MRC1: variants seen among roughly 807,000 people sequenced by gnomAD.
MRC1 encodes the protein mannose receptor C-type 1, also known as macrophage mannose receptor 1.
In MRC1, 62 loss-of-function variants were observed where a neutral mutation model predicts 102.9. The observed-to-expected ratio is 0.60, with a 90% CI of 0.49 to 0.74. MRC1 has a LOEUF of 0.74. Among genes scored for constraint, MRC1 ranks in the 30% least tolerant of loss-of-function variants. The probability of loss-of-function intolerance (pLI) is 0.00; values close to 1 mark genes in which losing one functional copy is unlikely to be tolerated. For missense variants in MRC1, 1,237 were observed against 862.8 expected (o/e 1.43, Z -5.43); for synonymous variants, 457 against 298.4 (o/e 1.53, Z -5.48).
chr10:17,871,080 C>A, intron 14 of MRC1, 145 bp downstream of exon 14: 1 of 698,458 alleles, frequency 1.4e-6, no homozygotes, highest in Non-Finnish European at 2.6e-6. Flanking sequence ...TGCAGGTAAA[C>A]TTCCTAAAAC....
At chr10:17,897,496 C>T (rs1247563836) in intron 23 of MRC1, among the ~76,000 whole-genome samples, 2 of 152,126 alleles carry the variant, frequency 1.3e-5, no homozygotes, top group Non-Finnish European at 2.9e-5. Context: ...CAAGGTTAAA[C>T]GAACCAGGGA....
chr10:17,847,326 T>C (rs1838840968), intron 6 of MRC1, among the ~76,000 whole-genome samples: 1 of 152,188 alleles, frequency 6.6e-6, no homozygotes, highest in Non-Finnish European at 1.5e-5. Flanking sequence ...ATGTGTAAAA[T>C]GGAAATGTTC....
At chr10:17,835,673 A>T (rs1198249586) in intron 4 of MRC1, among the ~76,000 whole-genome samples, 3 of 152,212 alleles carry the variant, frequency 2.0e-5, no homozygotes, top group African/African-American at 7.2e-5. Context: ...ACATGTTAAC[A>T]TGCAACAAAA....
intron 7 of MRC1, among the ~76,000 whole-genome samples, chr10:17,850,606 A>G (rs1838900427): frequency 6.6e-6 from 1 of 152,190 alleles, no homozygotes; most frequent in East Asian, 1.9e-4. Flanking sequence ...GGCACTCAGC[A>G]GTGCTTGTTG....
chr10:17,898,411 C>T (rs1324470934), intron 24 of MRC1, 145 bp downstream of exon 24: 2 of 734,270 alleles, frequency 2.7e-6, no homozygotes, highest in South Asian at 3.0e-5. Context: ...CAACAAGATC[C>T]AATCTTTCAG....
chr10:17,861,260 C>T (rs1833180248), intron 9 of MRC1, 127 bp from the exon 10 acceptor site: 1 of 548,082 alleles, frequency 1.8e-6, no homozygotes, highest in Non-Finnish European at 3.3e-6. Context: ...TTGCAGTGAG[C>T]CAAGATTGCG....
intron 6 of MRC1, among the ~76,000 whole-genome samples, chr10:17,849,312 AAAAAAAAG>A (rs1838876346): frequency 6.6e-6 from 1 of 151,048 alleles, no homozygotes; most frequent in African/African-American, 2.4e-5. Context: ...TTAAAAAAAA[AAAAAAAAG>A]AAAGAAAGAA....
intron 11 of MRC1, among the ~76,000 whole-genome samples, chr10:17,864,437 A>G (rs1220931890): frequency 1.3e-5 from 2 of 151,992 alleles, no homozygotes; most frequent in Admixed American, 6.5e-5. Context: ...CATTATTTCC[A>G]TATCTTCCAT....
intron 23 of MRC1, among the ~76,000 whole-genome samples, chr10:17,896,865 A>G (rs1833761593): frequency 6.6e-6 from 1 of 152,210 alleles, no homozygotes; most frequent in Non-Finnish European, 1.5e-5. Context: ...CATAAAGTGG[A>G]ACACATTGGA....
At chr10:17,907,103 TG>T in intron 27 of MRC1, 104 bp downstream of exon 27, 1 of 716,816 alleles carries the variant, frequency 1.4e-6, no homozygotes, top group Non-Finnish European at 2.6e-6. Flanking sequence ...GATTAATTCA[TG>T]AGGAATTTGA....
intron 2 of MRC1, among the ~76,000 whole-genome samples, chr10:17,824,160 AG>A (rs1243222426): frequency 2.6e-5 from 4 of 152,240 alleles, no homozygotes; most frequent in Admixed American, 2.6e-4. Context: ...ATAAAATCAG[AG>A]TATTTAGTTC....
At position 17,849,638 on chromosome 10, in the gene MRC1, A is replaced by G. The variant is rs1838882903; in HGVS notation, c.1123A>G (p.Lys375Glu). ...QWWPYAGHCY[K>E]IHRDEKKIQR... Reference sequence around the variant, plus strand: ...GTGGCCGTATGCCGGTCACTGTTACAAGATTCACAGAGATGAGAAAAAAAT... The same window carrying G: ...GTGGCCGTATGCCGGTCACTGTTACGAGATTCACAGAGATGAGAAAAAAAT... The change falls in exon 7 of 30, where the codon AAG (lysine) becomes GAG (glutamate). Residue 375 changes from lysine to glutamate, a missense_variant. Transcript: ENST00000569591. The G allele has an allele frequency of 1.3e-6, 1 of 780,996 alleles. No individual in the cohort carries two copies. The highest frequency in any genetic ancestry group is 1.7e-5 in the African/African-American group (1 of 59,234). 48.4% of individuals were successfully genotyped at this position (780,996 alleles called of 1,614,324 possible).
chr10:17,906,032 G>T (rs74982533), intron 26 of MRC1, among the ~76,000 whole-genome samples: 2 of 152,106 alleles, frequency 1.3e-5, no homozygotes, highest in African/African-American at 4.8e-5. Flanking sequence ...TCTAATGTGG[G>T]TTGTCACTTC....
intron 23 of MRC1, among the ~76,000 whole-genome samples, chr10:17,897,517 G>T (rs1224163503): frequency 2.6e-5 from 4 of 152,226 alleles, no homozygotes; most frequent in African/African-American, 9.6e-5. Context: ...CTTGTGTATG[G>T]CTGCATTCCA....
intron 11 of MRC1, 71 bp downstream of exon 11, chr10:17,863,753 C>T (rs938726087): frequency 3.2e-5 from 24 of 744,330 alleles, no homozygotes; most frequent in Middle Eastern, 2.4e-4. Flanking sequence ...GTTATTCCTC[C>T]GGGTATCTCT....
At chr10:17,832,754 AT>A (rs1227198036) in intron 3 of MRC1, among the ~76,000 whole-genome samples, 1 of 149,644 alleles carries the variant, frequency 6.7e-6, no homozygotes, top group East Asian at 2.0e-4. Context: ...CGCCCGGCTA[AT>A]TTTTTTTGTA....
At chr10:17,846,063 A>G (rs1554840204) in intron 6 of MRC1, among the ~76,000 whole-genome samples, 1 of 151,980 alleles carries the variant, frequency 6.6e-6, no homozygotes, top group African/African-American at 2.4e-5. Flanking sequence ...GTGTGCCATC[A>G]CGCCCAGCTA....
intron 12 of MRC1, among the ~76,000 whole-genome samples, chr10:17,869,326 T>C (rs979418954): frequency 2.6e-5 from 4 of 152,200 alleles, no homozygotes; most frequent in African/African-American, 9.7e-5. Flanking sequence ...CTGATGTGGA[T>C]ATTTACTTAA....
At chr10:17,843,436 G>A (rs1225370159) in intron 5 of MRC1, among the ~76,000 whole-genome samples, 1 of 152,182 alleles carries the variant, frequency 6.6e-6, no homozygotes, top group Non-Finnish European at 1.5e-5. Flanking sequence ...GGGAGGCTGA[G>A]GCGGGTGGAT....
Sources: allele counts gnomAD v4.1 joint callset (sites outside exome capture counted in the v4.1 genomes callset), GRCh38; gene constraint gnomAD v4.1.1; transcripts MANE v1.5; gene names NCBI Gene and HGNC (gene_info 2026-07-23, HGNC 2026-07-21).